GRIK1: variants seen among roughly 807,000 people sequenced by gnomAD.
The protein encoded by GRIK1 is glutamate ionotropic receptor kainate type subunit 1, also known as glutamate receptor ionotropic, kainate 1.
GRIK1 carries 69 observed loss-of-function variants against 105.7 expected under a neutral mutation model. The observed-to-expected ratio is 0.65, with a 90% CI of 0.54 to 0.80. GRIK1 has a LOEUF of 0.80. Among genes scored for constraint, GRIK1 ranks in the 30% least tolerant of loss-of-function variants. The pLI, the probability that GRIK1 is intolerant of heterozygous loss-of-function variation, is 0.00. For synonymous variants in GRIK1, 438 were observed against 431.3 expected, an observed-to-expected ratio of 1.02 and a Z score of -0.19; for missense variants, 1,109 against 1,167.3, an observed-to-expected ratio of 0.95 and a Z score of 0.73.
intron 1 of GRIK1, among the ~76,000 whole-genome samples, chr21:29,830,366 CACACATATTCTTAT>C (rs2067598293): frequency 7.2e-6 from 1 of 139,204 alleles, no homozygotes; most frequent in Non-Finnish European, 1.6e-5. Flanking sequence ...CACACACTCA[CACACATATTCTTAT>C]ACAAAACAAA....
chr21:29,627,737 G>C (rs1431218127), intron 7 of GRIK1, among the ~76,000 whole-genome samples: 1 of 152,162 alleles, frequency 6.6e-6, no homozygotes, highest in Non-Finnish European at 1.5e-5. Flanking sequence ...GTGCAGGAGA[G>C]GAGTGACACC....
chr21:29,882,389 T>G (rs1407951806), intron 1 of GRIK1, among the ~76,000 whole-genome samples: 1 of 152,150 alleles, frequency 6.6e-6, no homozygotes, highest in Non-Finnish European at 1.5e-5. Flanking sequence ...TCCTTCTGGT[T>G]TATTCCCTTT....
At chr21:29,663,331 C>T (rs2063002348) in intron 4 of GRIK1, among the ~76,000 whole-genome samples, 2 of 152,164 alleles carry the variant, frequency 1.3e-5, no homozygotes, top group Non-Finnish European at 2.9e-5. Flanking sequence ...AAGTAGGATG[C>T]ATCAATCCAC....
chr21:29,889,734 G>A (rs1419401758), intron 1 of GRIK1, among the ~76,000 whole-genome samples: 1 of 151,944 alleles, frequency 6.6e-6, no homozygotes, highest in Non-Finnish European at 1.5e-5. Flanking sequence ...CTCTTCTTCA[G>A]TTTAAAATAG....
intron 1 of GRIK1, among the ~76,000 whole-genome samples, chr21:29,726,571 T>C (rs1293045678): frequency 6.6e-6 from 1 of 152,184 alleles, no homozygotes; most frequent in Non-Finnish European, 1.5e-5. Flanking sequence ...CTTTTGAGTG[T>C]ATATTTTCAA....
At chr21:29,670,347 C>T (rs537323798) in intron 4 of GRIK1, among the ~76,000 whole-genome samples, 3 of 152,272 alleles carry the variant, frequency 2.0e-5, no homozygotes, top group South Asian at 4.1e-4. Context: ...TAATCCTACT[C>T]CCCGCTGTAC....
chr21:29,725,390 A>G (rs2064432084), intron 1 of GRIK1, among the ~76,000 whole-genome samples: 1 of 152,320 alleles, frequency 6.6e-6, no homozygotes, highest in Admixed American at 6.5e-5. Context: ...AAAAGAATAT[A>G]AAATCACTAG....
At chr21:29,900,041 G>C (rs1449477462) in intron 1 of GRIK1, among the ~76,000 whole-genome samples, 1 of 147,612 alleles carries the variant, frequency 6.8e-6, no homozygotes, top group Middle Eastern at 3.3e-3. Flanking sequence ...CAAATGCTGA[G>C]AGATTTTGTC....
chr21:29,930,282 C>T (rs1015316061), intron 1 of GRIK1, among the ~76,000 whole-genome samples: 4 of 152,064 alleles, frequency 2.6e-5, no homozygotes, highest in African/African-American at 9.7e-5. Context: ...ACATCTCATA[C>T]AGTATAAACA....
At chr21:29,854,523 A>G (rs2068403976) in intron 1 of GRIK1, among the ~76,000 whole-genome samples, 2 of 152,126 alleles carry the variant, frequency 1.3e-5, no homozygotes, top group East Asian at 1.9e-4. Flanking sequence ...AAAAAACAAG[A>G]AATTACTATG....
intron 1 of GRIK1, among the ~76,000 whole-genome samples, chr21:29,811,503 A>T (rs772038730): frequency 3.6e-4 from 54 of 152,094 alleles, no homozygotes; most frequent in Non-Finnish European, 6.8e-4. Context: ...GGCCCAAAGA[A>T]AAAAACTATT....
At chr21:29,894,114 C>T (rs952152080) in intron 1 of GRIK1, among the ~76,000 whole-genome samples, 1 of 151,968 alleles carries the variant, frequency 6.6e-6, no homozygotes, top group Non-Finnish European at 1.5e-5. Flanking sequence ...TGAAGAAGGG[C>T]CTTGTATTAG....
At chr21:29,562,290 A>G (rs2090499889) in intron 14 of GRIK1, among the ~76,000 whole-genome samples, 1 of 152,152 alleles carries the variant, frequency 6.6e-6, no homozygotes, top group African/African-American at 2.4e-5. Flanking sequence ...TTGTGAGAGA[A>G]CTGTCATTCA....
intron 1 of GRIK1, among the ~76,000 whole-genome samples, chr21:29,856,609 C>T (rs1340082362): frequency 1.3e-5 from 2 of 152,030 alleles, no homozygotes; most frequent in Non-Finnish European, 1.5e-5. Context: ...GTCTAAGCAC[C>T]GATGATATAG....
In GRIK1 at chr21:29,700,057, G is replaced by A. The variant is rs184843978; in HGVS notation, c.119-5994C>T. 8.5e-5 allele frequency among the ~76,000 whole-genome samples: 13 copies of A among 152,214 alleles called. No individual in the cohort carries two copies. The East Asian group carries it at 9.6e-4, about 11-fold the overall frequency. ...TCTAACAAGATTCTGACTTTACAGC[G>A]CAGTAATTTAAGATAAGCCAAGAGG... is the stretch of plus-strand genomic sequence containing the variant. On this transcript the variant is annotated intron_variant, in intron 1 of 17. Coordinates refer to ENST00000327783, the MANE Select transcript of GRIK1 (RefSeq NM_001330994.2).
At chr21:29,776,911 T>A (rs1236664568) in intron 1 of GRIK1, among the ~76,000 whole-genome samples, 1 of 152,118 alleles carries the variant, frequency 6.6e-6, no homozygotes, top group Non-Finnish European at 1.5e-5. Flanking sequence ...TCAGATACAG[T>A]TTTTACCCTC....
chr21:29,711,773 T>C (rs1318213198), intron 1 of GRIK1, among the ~76,000 whole-genome samples: 1 of 152,140 alleles, frequency 6.6e-6, no homozygotes, highest in African/African-American at 2.4e-5. Context: ...TATTTTTAAA[T>C]GCACACATTA....
At chr21:29,729,698 G>A (rs1206695171) in intron 1 of GRIK1, among the ~76,000 whole-genome samples, 1 of 152,148 alleles carries the variant, frequency 6.6e-6, no homozygotes, top group African/African-American at 2.4e-5. Context: ...AAGGGCCTGA[G>A]CTTTTTCAGT....
At chr21:29,560,515 C>CTTTCTTT (rs1568815407) in intron 15 of GRIK1, among the ~76,000 whole-genome samples, 734 of 50,188 alleles carry the variant, frequency 0.015, 94 homozygotes, top group African/African-American at 0.031. Context: ...TTCCTTCCTT[C>CTTTCTTT]CTTCCTTTCT....
Sources: gnomAD v4.1 joint callset for allele counts (sites outside exome capture counted in the v4.1 genomes callset) on GRCh38, gnomAD v4.1.1 for gene constraint, MANE v1.5 for transcripts, NCBI Gene and HGNC (gene_info 2026-07-23, HGNC 2026-07-21) for gene names.